TMEM223: variants seen among roughly 807,000 people sequenced by gnomAD.
TMEM223 encodes transmembrane protein 223.
Under a neutral mutation model 14.1 loss-of-function variants are expected in TMEM223, and 14 were observed. The ratio of observed to expected loss-of-function variants is 0.99; its 90% CI spans 0.66 to 1.55. The LOEUF (loss-of-function observed/expected upper bound fraction) is 1.55. Ranked by LOEUF, TMEM223 falls within the 40% of genes most tolerant of loss-of-function variation. The pLI, the probability that TMEM223 is intolerant of heterozygous loss-of-function variation, is 0.00. For synonymous variants in TMEM223, 145 were observed against 120.5 expected, an observed-to-expected ratio of 1.20 and a Z score of -1.33; for missense variants, 346 against 269.9, an observed-to-expected ratio of 1.28 and a Z score of -1.97.
chr11:62,790,011 A>C lies in TMEM223; in HGVS notation c.*612T>G. On this transcript the variant is annotated 3_prime_UTR_variant, in exon 2 of 2. Coordinates refer to ENST00000307366, the MANE Select transcript of TMEM223 (RefSeq NM_001080501.3). ...GTGACCCTGAGTGGAGCTCTGAGACAGATGCTCTCGTTGGGTCACGCCTTT... is the reference window on the plus strand; with the variant it reads ...GTGACCCTGAGTGGAGCTCTGAGACCGATGCTCTCGTTGGGTCACGCCTTT... The C allele has an allele frequency of 1.9e-6, 3 of 1,613,822 alleles. No individual in the cohort carries two copies. Among genetic ancestry groups the C allele is most frequent in the Non-Finnish European group, 2.5e-6 (3 of 1,179,886 alleles).
rs191313841 is a variant in TMEM223 at position 62,780,851 on chromosome 11, C to T, written c.315-6186G>A. Among the ~76,000 whole-genome samples, 25 of 150,578 alleles carry T rather than the reference C, an allele frequency of 1.7e-4. No individual in the cohort carries two copies. The East Asian group carries it at 3.5e-3, about 21-fold the overall frequency. On this transcript the variant is annotated intron_variant, in intron 1 of 2. Transcript: ENST00000528367. ...ACTTGCGAGGCTGATGCAGGAGAAT[C>T]GCTTGAACCCAAGAGGCAGAGGTTG...
chr11:62,783,732 C>T (rs1272324300), downstream of TMEM223, among the ~76,000 whole-genome samples: 1 of 151,594 alleles, frequency 6.6e-6, no homozygotes, highest in Non-Finnish European at 1.5e-5. Context: ...GCAGTTTCAT[C>T]ATGTTAGCCA....
chr11:62,787,048 A>C (rs1363452964), downstream of TMEM223: 1 of 1,521,860 alleles, frequency 6.6e-7, no homozygotes, highest in African/African-American at 1.4e-5. Context: ...GGGCCCCGGG[A>C]CCGGCACCCG....
At chr11:62,782,708 T>C (rs573612199), downstream of TMEM223, 7 of 1,612,232 alleles carry the variant, frequency 4.3e-6, no homozygotes, top group Admixed American at 8.3e-5. Flanking sequence ...ATGGGGACCT[T>C]GTAAGTGGCC....
chr11:62,775,958 C>T, intron 1 of TMEM223: 1 of 1,575,864 alleles, frequency 6.3e-7, no homozygotes, highest in South Asian at 1.2e-5. Context: ...CCTGATACCT[C>T]CAACTTTCCT....
At chr11:62,789,801 T>C (rs755139851), downstream of TMEM223, 1 of 1,542,624 alleles carries the variant, frequency 6.5e-7, no homozygotes, top group Admixed American at 2.0e-5. Context: ...AGCTTAAAAT[T>C]CAGCAGTTCA....
downstream of TMEM223, chr11:62,787,482 C>T: frequency 6.3e-7 from 1 of 1,579,402 alleles, no homozygotes; most frequent in Non-Finnish European, 8.5e-7. Flanking sequence ...TTGCTGCCGC[C>T]TTCCTGTGCG....
In TMEM223 at chr11:62,791,937, G is replaced by A. The variant is rs374775963; in HGVS notation, c.58C>T (p.Leu20Phe). 2 of 1,592,484 alleles carry A rather than the reference G, an allele frequency of 1.3e-6. No individual in the cohort carries two copies. Among genetic ancestry groups the A allele is most frequent in the Non-Finnish European group, 1.7e-6 (2 of 1,169,474 alleles). ...TGLLAVLRPL[L>F]TCRPLQGTTL... is the part of the protein sequence containing the mutation. ...GTGCCTTGCAGGGGCCGGCAGGTGA[G>A]CAGGGGCCGCAGCACGGCTAGCAGC... Residue 20 changes from leucine (L) to phenylalanine (F), a missense_variant, in exon 1 of 2, where the codon CTC (leucine) becomes TTC (phenylalanine). Coordinates refer to ENST00000307366, the MANE Select transcript of TMEM223 (RefSeq NM_001080501.3).
At chr11:62,786,623 G>A, downstream of TMEM223, 1 of 1,601,122 alleles carries the variant, frequency 6.2e-7, no homozygotes, top group Non-Finnish European at 8.5e-7. Flanking sequence ...CCATGGGACA[G>A]CCTTCTCTTT....
downstream of TMEM223, chr11:62,789,356 T>TC: frequency 6.2e-7 from 1 of 1,613,972 alleles, no homozygotes; most frequent in Non-Finnish European, 8.5e-7. Flanking sequence ...GGTCTTGGTG[T>TC]CTGCCTGTAT....
At chr11:62,791,203 G>A (rs560531296) in intron 1 of TMEM223, among the ~76,000 whole-genome samples, 4 of 152,250 alleles carry the variant, frequency 2.6e-5, no homozygotes, top group South Asian at 2.1e-4. Context: ...GCAGAGTGAA[G>A]GGCAGCCCTC....
chr11:62,780,274 C>A (rs2084219055), intron 1 of TMEM223, among the ~76,000 whole-genome samples: 1 of 149,238 alleles, frequency 6.7e-6, no homozygotes, highest in African/African-American at 2.5e-5. Context: ...GTCAAGATCA[C>A]ACCACTCAGG....
chr11:62,774,758 G>A, intron 1 of TMEM223: 1 of 403,114 alleles, frequency 2.5e-6, no homozygotes, highest in South Asian at 1.7e-5. Flanking sequence ...TATCCAGCCT[G>A]GCCAACATGG....
downstream of TMEM223, chr11:62,789,354 T>C (rs781240618): frequency 1.9e-6 from 3 of 1,613,972 alleles, no homozygotes; most frequent in Non-Finnish European, 2.5e-6. Flanking sequence ...CTGGTCTTGG[T>C]GTCTGCCTGT....
chr11:62,790,779 C>G lies in TMEM223; in HGVS notation c.453G>C (p.Leu151Phe), dbSNP rs1366222318. The G allele has an allele frequency of 1.2e-6, 2 of 1,608,776 alleles. No homozygotes were observed. Among genetic ancestry groups the G allele is most frequent in the African/African-American group, 2.7e-5 (2 of 74,862 alleles). ...GGTGGGCCATGCAAGATACCTGCTT[C>G]AAAGGAACTGTGAAATGGGCCCCCA... Reference protein sequence around the residue: ...FGLGAHFTVPLKQVSCMAHRG... With the variant: ...FGLGAHFTVPFKQVSCMAHRG... The change falls in exon 2 of 2, where the codon TTG (leucine) becomes TTC (phenylalanine). Residue 151 changes from leucine (L) to phenylalanine (F), a missense_variant. Leu to Phe is a conservative substitution (Grantham distance 22). Coordinates refer to ENST00000307366, the MANE Select transcript of TMEM223 (RefSeq NM_001080501.3).
chr11:62,789,622 TC>T, downstream of TMEM223: 1 of 1,547,960 alleles, frequency 6.5e-7, no homozygotes, highest in Non-Finnish European at 8.7e-7. Flanking sequence ...CCCAGAAAAT[TC>T]CATGGACACC....
chr11:62,781,732 T>A (rs1395469329), intron 1 of TMEM223: 24 of 674,874 alleles, frequency 3.6e-5, no homozygotes, highest in Non-Finnish European at 5.5e-5. Context: ...TGAATGAGTT[T>A]CTGTAGGTTA....
chr11:62,775,926 C>T (rs144825291), intron 1 of TMEM223: 30,420 of 1,607,160 alleles, frequency 0.019, 405 homozygotes, highest in Non-Finnish European at 0.024. Context: ...AGAGAGGCCA[C>T]GCAGGTACAC....
chr11:62,787,288 C>A, downstream of TMEM223: 1 of 1,543,408 alleles, frequency 6.5e-7, no homozygotes, highest in Non-Finnish European at 8.7e-7. Flanking sequence ...GCTGTACTTG[C>A]CGCTCTGAGT....
Sources: gnomAD v4.1 joint callset for allele counts (sites outside exome capture counted in the v4.1 genomes callset) on GRCh38, gnomAD v4.1.1 for gene constraint, MANE v1.5 for transcripts, NCBI Gene and HGNC (gene_info 2026-07-23, HGNC 2026-07-21) for gene names.